Variants in SHANK2 observed in about 807,000 individuals in gnomAD.
SHANK2 encodes SH3 and multiple ankyrin repeat domains 2.
In SHANK2, 43 loss-of-function variants were observed where a neutral mutation model predicts 133.7. The ratio of observed to expected loss-of-function variants is 0.32; its 90% CI spans 0.25 to 0.41. The LOEUF (loss-of-function observed/expected upper bound fraction) is 0.41, where lower values mean the gene tolerates loss of function less well. Among genes scored for constraint, SHANK2 ranks in the 10% least tolerant of loss-of-function variants. The probability of loss-of-function intolerance (pLI) is 1.00; values close to 1 mark genes in which losing one functional copy is unlikely to be tolerated. For missense variants in SHANK2, 1,994 were observed against 2,235.8 expected, an observed-to-expected ratio of 0.89 and a Z score of 2.18; for synonymous variants, 1,017 against 952.8, an observed-to-expected ratio of 1.07 and a Z score of -1.24.
At chr11:70,568,645 T>TCCCCCCC (rs1565137385) in intron 17 of SHANK2, among the ~76,000 whole-genome samples, 5 of 48,366 alleles carry the variant, frequency 1.0e-4, no homozygotes, top group Non-Finnish European at 2.0e-4. Flanking sequence ...AGCGGATTCC[T>TCCCCCCC]GCCCCCCCCG....
At chr11:70,543,053 C>A (rs533857459) in intron 17 of SHANK2, among the ~76,000 whole-genome samples, 1 of 152,164 alleles carries the variant, frequency 6.6e-6, no homozygotes, top group Non-Finnish European at 1.5e-5. Context: ...AGCCCTCAAC[C>A]GGCCTGGCGT....
At chr11:70,745,099 C>T (rs144614369) in intron 14 of SHANK2, among the ~76,000 whole-genome samples, 39 of 152,370 alleles carry the variant, frequency 2.6e-4, no homozygotes, top group African/African-American at 9.1e-4. Flanking sequence ...CAAGGATTGT[C>T]ATTTTCACCC....
chr11:70,867,116 TA>T (rs34341953), intron 11 of SHANK2, among the ~76,000 whole-genome samples: 37,662 of 137,828 alleles, frequency 0.27, 5,055 homozygotes, highest in South Asian at 0.36. Flanking sequence ...TCGGTGTATT[TA>T]AAAAAAAAAA....
At chr11:70,636,524 AAT>A (rs782014440) in intron 17 of SHANK2, among the ~76,000 whole-genome samples, 33 of 117,404 alleles carry the variant, frequency 2.8e-4, no homozygotes, top group East Asian at 2.8e-3. Context: ...AGAATGTGTG[AAT>A]ATGTGTGAGC....
chr11:70,759,412 G>C (rs1475983652), intron 14 of SHANK2, among the ~76,000 whole-genome samples: 1 of 151,440 alleles, frequency 6.6e-6, no homozygotes, highest in African/African-American at 2.4e-5. Flanking sequence ...AACCCGGGAG[G>C]CGGAGGTTGC....
At position 70,569,942 on chromosome 11, in the gene SHANK2, A is replaced by G. The variant is rs991465246; in HGVS notation, c.2062-67011T>C. On this transcript the variant is annotated intron_variant, in intron 17 of 25. Coordinates refer to ENST00000601538, the MANE Select transcript of SHANK2 (RefSeq NM_012309.5). This position sits in a 1 kb window ranked among gnomAD's most constrained non-coding sequence, Gnocchi z 5.1. Reference sequence around the variant, plus strand: ...CCGAGACAGAGACACAGAGACATAGAGAGAGAGAGAGAAGGGAGTGAGAGA... The same window carrying G: ...CCGAGACAGAGACACAGAGACATAGGGAGAGAGAGAGAAGGGAGTGAGAGA... Among the ~76,000 whole-genome samples the G allele has an allele frequency of 2.0e-5, 3 of 150,782 alleles. No homozygotes were observed. The East Asian group carries it at 5.8e-4, about 29-fold the overall frequency.
chr11:70,616,276 T>C (rs1554995911), intron 17 of SHANK2, among the ~76,000 whole-genome samples: 1 of 151,904 alleles, frequency 6.6e-6, no homozygotes, highest in Non-Finnish European at 1.5e-5. Flanking sequence ...GAAGTCTCAA[T>C]GAGCAGAAGG....
At chr11:70,766,106 G>C (rs1361147505) in intron 14 of SHANK2, among the ~76,000 whole-genome samples, 1 of 152,226 alleles carries the variant, frequency 6.6e-6, no homozygotes, top group African/African-American at 2.4e-5. Context: ...AGTGGACAAT[G>C]TGCATGTCCT....
intron 11 of SHANK2, among the ~76,000 whole-genome samples, chr11:70,845,207 A>G (rs1948977321): frequency 6.7e-6 from 1 of 150,312 alleles, no homozygotes; most frequent in African/African-American, 2.5e-5. Context: ...TCAAAAAAAA[A>G]AAAAAAAAAA....
At chr11:70,669,620 G>A (rs1944756777) in intron 15 of SHANK2, 1 of 152,606 alleles carries the variant, frequency 6.6e-6, no homozygotes, top group Non-Finnish European at 1.5e-5. Flanking sequence ...GAGGGTTGCA[G>A]GGACCCCCAA....
chr11:70,949,197 C>A (rs1455834970), intron 10 of SHANK2, among the ~76,000 whole-genome samples: 1 of 152,210 alleles, frequency 6.6e-6, no homozygotes, highest in Non-Finnish European at 1.5e-5. Context: ...AGAGAAAAGG[C>A]TAAAATCGAA....
chr11:71,146,909 C>T (rs577111899), intron 3 of SHANK2, among the ~76,000 whole-genome samples: 14 of 152,180 alleles, frequency 9.2e-5, no homozygotes, highest in African/African-American at 3.1e-4. Flanking sequence ...ACAGCAACAG[C>T]ATGATGTGAG....
At chr11:70,803,050 G>A (rs1555050892) in intron 13 of SHANK2, among the ~76,000 whole-genome samples, 1 of 152,170 alleles carries the variant, frequency 6.6e-6, no homozygotes, top group East Asian at 1.9e-4. Context: ...CACTCCCAGA[G>A]GAAGGGACAT....
At chr11:70,641,221 G>A (rs1446037962) in intron 17 of SHANK2, among the ~76,000 whole-genome samples, 2 of 151,326 alleles carry the variant, frequency 1.3e-5, no homozygotes, top group Non-Finnish European at 2.9e-5. Flanking sequence ...TCAGCCTCCT[G>A]AGTAGCTGGG....
At chr11:70,639,202 G>T (rs1555005399) in intron 17 of SHANK2, among the ~76,000 whole-genome samples, 1 of 152,120 alleles carries the variant, frequency 6.6e-6, no homozygotes, top group African/African-American at 2.4e-5. Flanking sequence ...CTCAGGAAAT[G>T]GCCAGTTTGG....
At chr11:70,525,089 CGGCA>C (rs1565097079) in intron 17 of SHANK2, among the ~76,000 whole-genome samples, 1 of 152,248 alleles carries the variant, frequency 6.6e-6, no homozygotes, top group East Asian at 1.9e-4. Flanking sequence ...CTTGACAGCC[CGGCA>C]GCTGCAGCGA....
intron 15 of SHANK2, chr11:70,668,287 T>A (rs1944717961): frequency 6.6e-6 from 1 of 152,406 alleles, no homozygotes; most frequent in African/African-American, 2.4e-5. Flanking sequence ...AACCAATGAC[T>A]GTGCCCTTAC....
chr11:70,647,642 T>C (rs2061282982), intron 17 of SHANK2: 1 of 152,210 alleles, frequency 6.6e-6, no homozygotes, highest in Non-Finnish European at 1.5e-5. Flanking sequence ...GCGCAAGCAT[T>C]TTACACAGTC....
At chr11:71,076,397 G>C (rs1467824272) in intron 8 of SHANK2, among the ~76,000 whole-genome samples, 2 of 151,694 alleles carry the variant, frequency 1.3e-5, no homozygotes, top group African/African-American at 4.8e-5. Context: ...ACCTTCTCAG[G>C]GTCCACGAGA....
Sources: gnomAD v4.1 joint callset for allele counts (sites outside exome capture counted in the v4.1 genomes callset) on GRCh38, gnomAD v4.1.1 for gene constraint, Gnocchi (gnomAD v3.1) non-coding constraint, MANE v1.5 for transcripts, NCBI Gene and HGNC (gene_info 2026-07-23, HGNC 2026-07-21) for gene names.